Variants in FN1 observed in about 807,000 individuals in gnomAD.
FN1 encodes fibronectin.
Under a neutral mutation model 297.3 loss-of-function variants are expected in FN1, and 106 were observed. That is an observed-to-expected ratio of 0.36 (90% confidence interval 0.30 to 0.42). The LOEUF is 0.42. Ranked by LOEUF, FN1 falls within the 10% of genes least tolerant of loss-of-function variation. FN1 has a pLI of 1.00. For synonymous variants in FN1, 1,149 were observed against 1,152.6 expected (o/e 1.00, Z 0.06); for missense variants, 2,690 against 3,124.9 (o/e 0.86, Z 3.32).
Position 215,362,088 on chromosome 2 carries a change from G to A in FN1, c.7252-9C>T. The A allele has an allele frequency of 6.2e-7, 1 of 1,607,094 alleles. No homozygotes were observed. The highest frequency in any genetic ancestry group is 8.5e-7 in the Non-Finnish European group (1 of 1,173,686). On this transcript the variant is annotated splice_polypyrimidine_tract_variant and intron_variant, in intron 44 of 45. Coordinates refer to ENST00000354785, the MANE Select transcript of FN1 (RefSeq NM_212482.4). ...TTGTCACAGCGCCAGCCCTGAGAGA[G>A]TAGAGGCATGAAGTCAAATGGGGTT...
intron 29 of FN1, 126 bp from the exon 30 acceptor site, chr2:215,384,310 A>G: frequency 1.1e-6 from 1 of 943,778 alleles, no homozygotes; most frequent in African/African-American, 1.6e-5. Context: ...CCTTTTAAAG[A>G]GCGCTATCTT....
At chr2:215,362,850 C>T (rs1190503127) in intron 44 of FN1, 2 of 152,550 alleles carry the variant, frequency 1.3e-5, no homozygotes, top group African/African-American at 4.8e-5. Context: ...GCAGAGACCC[C>T]GCTGAAGCAC....
At chr2:215,372,888 G>T (rs962281279) in intron 39 of FN1, among the ~76,000 whole-genome samples, 24 of 152,230 alleles carry the variant, frequency 1.6e-4, no homozygotes, top group African/African-American at 4.8e-4. Flanking sequence ...ACATTTTCTT[G>T]AAATTAACTG....
chr2:215,412,211 C>T (rs778965222), intron 13 of FN1, among the ~76,000 whole-genome samples: 6 of 150,068 alleles, frequency 4.0e-5, no homozygotes, highest in Non-Finnish European at 8.9e-5. Flanking sequence ...TTTTCATTCA[C>T]CATTTGTTAA....
intron 31 of FN1, 88 bp from the exon 32 acceptor site, chr2:215,382,413 T>C: frequency 3.7e-6 from 3 of 805,038 alleles, no homozygotes; most frequent in South Asian, 1.4e-5. Context: ...AGTAAACATA[T>C]GGTGGCCTAG....
In FN1 at chr2:215,364,999, C is replaced by A; in HGVS notation, c.7145-14G>T. The A allele has an allele frequency of 1.4e-6, 2 of 1,479,888 alleles. No individual in the cohort carries two copies. Among genetic ancestry groups the A allele is most frequent in the South Asian group, 2.4e-5 (2 of 83,114 alleles). 91.7% of individuals were successfully genotyped at this position (1,479,888 alleles called of 1,614,324 possible). A position where few individuals can be genotyped will look rare whatever the true frequency, so the allele number is the denominator to read the frequency against. On this transcript the variant is annotated splice_polypyrimidine_tract_variant and intron_variant, in intron 43 of 45. Coordinates refer to ENST00000354785, the MANE Select transcript of FN1 (RefSeq NM_212482.4). ...ACGTTGCCTCATCTGCATATAGACACAAGACAGATGCACGCATAAGCTGAG... is the reference window on the plus strand; with the variant it reads ...ACGTTGCCTCATCTGCATATAGACAAAAGACAGATGCACGCATAAGCTGAG...
At chr2:215,413,224 A>G (rs1009721789) in intron 13 of FN1, among the ~76,000 whole-genome samples, 1 of 152,030 alleles carries the variant, frequency 6.6e-6, no homozygotes, top group South Asian at 2.1e-4. Flanking sequence ...GGTTCAAGTG[A>G]TTCTCCTACC....
At position 215,384,113 on chromosome 2, in the gene FN1, G is replaced by A. The variant is rs532827189; in HGVS notation, c.4801C>T (p.Pro1601Ser). 1.2e-5 allele frequency: 19 copies of A among 1,614,114 alleles called. No individual in the cohort carries two copies. In the African/African-American group the frequency reaches 2.3e-4, roughly 19 times the overall value. Reference sequence around the variant, plus strand: ...ACAGTGATGGTATAATCAACTCCAGGTTTAAGGCCGCTGATGGTAGCTGTA... The same window carrying A: ...ACAGTGATGGTATAATCAACTCCAGATTTAAGGCCGCTGATGGTAGCTGTA... ...KSTATISGLK[P>S]GVDYTITVYA... The change falls in exon 30 of 46, where the codon CCT becomes TCT. Residue 1601 changes from proline to serine, a missense_variant. This residue lies in a region of FN1 where 1,743 missense variants were observed against 1,945.2 expected (regional missense o/e 0.90). Coordinates refer to ENST00000354785, the MANE Select transcript of FN1 (RefSeq NM_212482.4).
In FN1 at chr2:215,405,781, C is replaced by T. The variant is rs188299856; in HGVS notation, c.2986+457G>A. On this transcript the variant is annotated intron_variant, in intron 19 of 45. Coordinates refer to ENST00000354785, the MANE Select transcript of FN1 (RefSeq NM_212482.4). Reference sequence around the variant, plus strand: ...AATAAAATAATAATAATAAGACCTTCCTTCCTAAGGTCAAAACAAAGAGTA... The same window carrying T: ...AATAAAATAATAATAATAAGACCTTTCTTCCTAAGGTCAAAACAAAGAGTA... Among the ~76,000 whole-genome samples the T allele has an allele frequency of 1.4e-3, 220 of 152,054 alleles. 2 individuals carry two copies. The highest frequency in any genetic ancestry group is 0.013 in the South Asian group (63 of 4,812).
Position 215,435,944 on chromosome 2 carries a change from G to T in FN1, c.-142C>A. 5.6e-6 allele frequency: 8 copies of T among 1,420,252 alleles called. No homozygotes were observed. Among genetic ancestry groups the T allele is most frequent in the Non-Finnish European group, 6.4e-6 (7 of 1,085,342 alleles). 88.0% of individuals were successfully genotyped at this position (1,420,252 alleles called of 1,614,324 possible). A position where few individuals can be genotyped will look rare whatever the true frequency, so the allele number is the denominator to read the frequency against. ...AAGAAGGTGGGGGCCAGAGGGTGGG[G>T]AAGGGGACGGGTGGAGGGACAGAAG... On this transcript the variant is annotated 5_prime_UTR_variant, in exon 1 of 46. Transcript: ENST00000354785.
Position 215,431,967 on chromosome 2 carries a change from G to A in FN1, c.416-3C>T. The A allele has an allele frequency of 6.2e-7, 1 of 1,613,954 alleles. No individual in the cohort carries two copies. Among genetic ancestry groups the A allele is most frequent in the Non-Finnish European group, 8.5e-7 (1 of 1,179,948 alleles). Reference sequence around the variant, plus strand: ...CTGACCCCCTTCATGGCAGCGGTCTGTTGAAGATACAACGAAAATGTTAGG... The same window carrying A: ...CTGACCCCCTTCATGGCAGCGGTCTATTGAAGATACAACGAAAATGTTAGG... On this transcript the variant is annotated splice_polypyrimidine_tract_variant and splice_region_variant and intron_variant, in intron 3 of 45. Coordinates refer to ENST00000354785, the MANE Select transcript of FN1 (RefSeq NM_212482.4).
rs763649476 is a variant in FN1 at position 215,404,460 on chromosome 2, T to G, written c.3182A>C (p.Glu1061Ala). The change falls in exon 20 of 46, where the codon GAG becomes GCG. Residue 1061 changes from glutamate to alanine, a missense_variant. Glu to Ala is a moderately radical substitution (Grantham distance 107). This residue lies in a region of FN1 where 1,743 missense variants were observed against 1,945.2 expected (regional missense o/e 0.90). Coordinates refer to ENST00000354785, the MANE Select transcript of FN1 (RefSeq NM_212482.4). ...TATGGCCACGAGGGATACGGTGTACTCAGATGCAGGCTGCAGATTCCTCAG... is the reference window on the plus strand; with the variant it reads ...TATGGCCACGAGGGATACGGTGTACGCAGATGCAGGCTGCAGATTCCTCAG... ...YPLRNLQPAS[E>A]YTVSLVAIKG... 5.6e-6 allele frequency: 9 copies of G among 1,614,132 alleles called. No individual in the cohort carries two copies. In the Admixed American group the frequency reaches 1.5e-4, roughly 27 times the overall value.
intron 10 of FN1, 127 bp downstream of exon 10, chr2:215,421,964 C>T (rs1313458827): frequency 3.3e-6 from 3 of 903,120 alleles, no homozygotes; most frequent in Non-Finnish European, 5.4e-6. Flanking sequence ...GCACAGTAGA[C>T]TAATGAATGA....
chr2:215,384,375 G>C, intron 29 of FN1, 191 bp from the exon 30 acceptor site: 2 of 602,450 alleles, frequency 3.3e-6, no homozygotes, highest in Non-Finnish European at 5.9e-6. Flanking sequence ...TATAAACATT[G>C]AGAGAAAATT....
chr2:215,385,294 G>T (rs1366331150), intron 28 of FN1, among the ~76,000 whole-genome samples: 1 of 150,624 alleles, frequency 6.6e-6, no homozygotes, highest in South Asian at 2.1e-4. Context: ...GGGCGTGGTG[G>T]CTCACGCCTG....
At chr2:215,428,061 G>C (rs556531888) in intron 6 of FN1, 119 bp downstream of exon 6, 1 of 1,204,516 alleles carries the variant, frequency 8.3e-7, no homozygotes, top group Admixed American at 1.7e-5. Flanking sequence ...ATTATCTTAG[G>C]TTATTAGCTG....
Position 215,384,000 on chromosome 2 carries a change from C to G in FN1, c.4894+20G>C. 6.2e-7 allele frequency: 1 copy of G among 1,613,364 alleles called. No homozygotes were observed. Among genetic ancestry groups the G allele is most frequent in the Non-Finnish European group, 8.5e-7 (1 of 1,179,422 alleles). ...CTGAATAAGTAAAAGCTGGTGTCAC[C>G]CCAGAGTAGAAGTTTGTACCTGTTC... On this transcript the variant is annotated intron_variant, in intron 30 of 45. Coordinates refer to ENST00000354785, the MANE Select transcript of FN1 (RefSeq NM_212482.4).
In FN1 at chr2:215,409,800, G is replaced by A. The variant is rs533632478; in HGVS notation, c.2123-61C>T. The A allele has an allele frequency of 1.2e-4, 187 of 1,598,104 alleles. No homozygotes were observed. In the African/African-American group the frequency reaches 1.5e-3, roughly 13 times the overall value. Reference sequence around the variant, plus strand: ...GTCATCTAGAAAATTTACCGTCCTCGTCGCCAACATCATTTTAAAAAACGT... The same window carrying A: ...GTCATCTAGAAAATTTACCGTCCTCATCGCCAACATCATTTTAAAAAACGT... On this transcript the variant is annotated intron_variant, in intron 14 of 45. Coordinates refer to ENST00000354785, the MANE Select transcript of FN1 (RefSeq NM_212482.4).
chr2:215,412,760 CTTT>C (rs10524797), intron 13 of FN1, among the ~76,000 whole-genome samples: 60 of 97,574 alleles, frequency 6.1e-4, no homozygotes, highest in Non-Finnish European at 9.0e-4. Flanking sequence ...TATTAAGTAT[CTTT>C]TTTTTTTTTT....
Sources: gnomAD v4.1 joint callset for allele counts (sites outside exome capture counted in the v4.1 genomes callset) on GRCh38, gnomAD v4.1.1 for gene constraint, gnomAD v4.1.1 regional missense constraint, MANE v1.5 for transcripts, NCBI Gene and HGNC (gene_info 2026-07-23, HGNC 2026-07-21) for gene names.